Variants in FBXL17 observed in about 807,000 individuals in gnomAD.
FBXL17 encodes the protein F-box/LRR-repeat protein 17.
Under a neutral mutation model 66.2 loss-of-function variants are expected in FBXL17, and 22 were observed. The ratio of observed to expected loss-of-function variants is 0.33; its 90% CI spans 0.24 to 0.47. The LOEUF (loss-of-function observed/expected upper bound fraction) is 0.47, where lower values mean the gene tolerates loss of function less well. FBXL17 is among the 20% of genes least tolerant of loss of function. The pLI is 1.00. For missense variants in FBXL17, 878 were observed against 948.2 expected, an observed-to-expected ratio of 0.93 and a Z score of 0.97; for synonymous variants, 474 against 400.5, an observed-to-expected ratio of 1.18 and a Z score of -2.19.
intron 7 of FBXL17, among the ~76,000 whole-genome samples, chr5:107,954,814 A>G (rs929935931): frequency 6.6e-6 from 1 of 152,170 alleles, no homozygotes; most frequent in African/African-American, 2.4e-5. Flanking sequence ...TAAATATAAA[A>G]AGCAGAAGAT....
chr5:107,999,452 AAC>A (rs55900474), intron 7 of FBXL17, among the ~76,000 whole-genome samples: 29,423 of 144,274 alleles, frequency 0.2, 3,079 homozygotes, highest in South Asian at 0.35. Context: ...TTTTGTCAGA[AAC>A]ACACACACAC....
At chr5:108,228,143 C>A (rs1472242710) in intron 4 of FBXL17, among the ~76,000 whole-genome samples, 2 of 152,074 alleles carry the variant, frequency 1.3e-5, no homozygotes, top group Non-Finnish European at 1.5e-5. Context: ...CTCAGAGGAG[C>A]CTCTAACATC....
At chr5:108,104,456 A>C (rs114456280) in intron 6 of FBXL17, among the ~76,000 whole-genome samples, 1,991 of 152,358 alleles carry the variant, frequency 0.013, 21 homozygotes, top group Non-Finnish European at 0.021. Context: ...AATTTATAGA[A>C]CATCACACTA....
chr5:108,153,208 T>C lies in FBXL17; in HGVS notation c.1745+32909A>G, dbSNP rs566720158. 9.2e-5 allele frequency among the ~76,000 whole-genome samples: 14 copies of C among 152,310 alleles called. No individual in the cohort carries two copies. The East Asian group carries it at 2.7e-3, about 29-fold the overall frequency. On this transcript the variant is annotated intron_variant, in intron 6 of 8. Coordinates refer to ENST00000542267, the MANE Select transcript of FBXL17 (RefSeq NM_001163315.3). The stretch of plus-strand genomic sequence containing the variant: ...GTCTTGGGTATGTCTTTATTAGCAG[T>C]GTGAGAACACACTAATACAGCAGCC...
chr5:108,269,028 G>C (rs61096927), intron 4 of FBXL17, among the ~76,000 whole-genome samples: 7,556 of 152,118 alleles, frequency 0.05, 628 homozygotes, highest in African/African-American at 0.17. Context: ...ACTTCAGTTA[G>C]GGTGGTTATT....
At chr5:107,960,874 G>C (rs1275994797) in intron 7 of FBXL17, among the ~76,000 whole-genome samples, 1 of 152,108 alleles carries the variant, frequency 6.6e-6, no homozygotes, top group East Asian at 1.9e-4. Context: ...CAAACTGTAG[G>C]GAGTTCCAAA....
intron 7 of FBXL17, among the ~76,000 whole-genome samples, chr5:107,983,339 G>A (rs899022209): frequency 1.3e-5 from 2 of 152,048 alleles, no homozygotes; most frequent in Admixed American, 6.5e-5. Flanking sequence ...CTACAGGCAC[G>A]CGCCACTATG....
intron 7 of FBXL17, among the ~76,000 whole-genome samples, chr5:107,940,355 A>C (rs1159807643): frequency 1.3e-5 from 2 of 152,102 alleles, no homozygotes; most frequent in African/African-American, 4.8e-5. Context: ...ACATAAACTC[A>C]GTTTTTTGGA....
intron 4 of FBXL17, among the ~76,000 whole-genome samples, chr5:108,231,304 A>G (rs1046671992): frequency 2.6e-5 from 4 of 152,100 alleles, no homozygotes; most frequent in African/African-American, 9.7e-5. Context: ...AATTCCCTCT[A>G]TATTCTATGC....
chr5:107,903,866 GTTC>G (rs2112536251), intron 7 of FBXL17, among the ~76,000 whole-genome samples: 1 of 152,202 alleles, frequency 6.6e-6, no homozygotes, highest in South Asian at 2.1e-4. Flanking sequence ...TTCCTCTGCT[GTTC>G]TTCATTTCTC....
chr5:107,934,139 C>T (rs911088071), intron 7 of FBXL17, among the ~76,000 whole-genome samples: 5 of 152,010 alleles, frequency 3.3e-5, no homozygotes, highest in African/African-American at 7.2e-5. Flanking sequence ...ATTTTATTTA[C>T]CTTTTTTACT....
intron 7 of FBXL17, among the ~76,000 whole-genome samples, chr5:108,016,643 T>C (rs1754396913): frequency 6.6e-6 from 1 of 152,172 alleles, no homozygotes. Flanking sequence ...CCATATGAAG[T>C]GCTGTGCGGC....
chr5:108,140,838 T>G (rs1751322451), intron 6 of FBXL17, among the ~76,000 whole-genome samples: 1 of 152,144 alleles, frequency 6.6e-6, no homozygotes. Context: ...CATTCTTTTT[T>G]TTTTTTACTC....
intron 6 of FBXL17, among the ~76,000 whole-genome samples, chr5:108,152,365 C>T (rs930052595): frequency 6.6e-6 from 1 of 152,132 alleles, no homozygotes; most frequent in South Asian, 2.1e-4. Flanking sequence ...CAATGGTGTC[C>T]AACAGGTCGG....
chr5:107,998,861 T>C (rs1753592196), intron 7 of FBXL17, among the ~76,000 whole-genome samples: 1 of 152,204 alleles, frequency 6.6e-6, no homozygotes, highest in Non-Finnish European at 1.5e-5. Context: ...CTAACATTTA[T>C]AGCATAGAGT....
chr5:108,355,974 T>C (rs1360447857), intron 3 of FBXL17, among the ~76,000 whole-genome samples: 1 of 152,196 alleles, frequency 6.6e-6, no homozygotes, highest in Non-Finnish European at 1.5e-5. Context: ...CCCAACTCTA[T>C]GTTGTCTACA....
rs35874392 is a variant in FBXL17, at chr5:107,942,777, G to GA, written c.1823-61599dup. 1.8e-4 allele frequency among the ~76,000 whole-genome samples: 26 copies of GA among 146,438 alleles called. 1 individual carries two copies. The highest frequency in any genetic ancestry group is 8.7e-4 in the South Asian group (4 of 4,578). On this transcript the variant is annotated intron_variant, in intron 7 of 8. Transcript: ENST00000542267. ...GCACAATTATCTCCCTTCTTGAAAAGAAAAAAAAAAAAAAACCTATCTGAT... is the reference window on the plus strand; with the variant it reads ...GCACAATTATCTCCCTTCTTGAAAAGAAAAAAAAAAAAAAAACCTATCTGAT...
intron 7 of FBXL17, among the ~76,000 whole-genome samples, chr5:107,900,383 G>C (rs1749533258): frequency 1.3e-5 from 2 of 152,140 alleles, no homozygotes; most frequent in South Asian, 4.1e-4. Flanking sequence ...ATGATTGACA[G>C]TTCTCCCAAA....
chr5:107,881,213 T>C (rs368322981), intron 7 of FBXL17, 34 bp from the exon 8 acceptor site: 1 of 1,385,530 alleles, frequency 7.2e-7, no homozygotes, highest in Non-Finnish European at 1.0e-6. Context: ...GCATTAATGT[T>C]AGCAGTGTAA....
Sources: allele counts gnomAD v4.1 joint callset (sites outside exome capture counted in the v4.1 genomes callset), GRCh38; gene constraint gnomAD v4.1.1; transcripts MANE v1.5; gene names NCBI Gene and HGNC (gene_info 2026-07-23, HGNC 2026-07-21).